The following DOCK5 variants were observed in gnomAD, a reference collection of about 807,000 sequenced individuals.
DOCK5 encodes the protein dedicator of cytokinesis 5, also known as dedicator of cytokinesis protein 5.
DOCK5 carries 142 observed loss-of-function variants against 251.8 expected under a neutral mutation model. That is an observed-to-expected ratio of 0.56 (90% CI 0.49 to 0.65). DOCK5 has a LOEUF of 0.65. DOCK5 is among the 30% of genes least tolerant of loss of function. The pLI is 0.00. For missense variants in DOCK5, 2,111 were observed against 2,312.3 expected, an observed-to-expected ratio of 0.91 and a Z score of 1.79; for synonymous variants, 842 against 835.5, an observed-to-expected ratio of 1.01 and a Z score of -0.13.
chr8:25,206,277 A>T (rs1196635254), intron 1 of DOCK5, among the ~76,000 whole-genome samples: 2 of 152,174 alleles, frequency 1.3e-5, no homozygotes, highest in Admixed American at 1.3e-4. Context: ...TTGTCAGATT[A>T]TGGGGAGACT....
chr8:25,371,291 C>A (rs1800868295), intron 34 of DOCK5, among the ~76,000 whole-genome samples: 1 of 152,030 alleles, frequency 6.6e-6, no homozygotes, highest in Non-Finnish European at 1.5e-5. Flanking sequence ...ACCTCGTGAT[C>A]CACCTGCCTC....
Position 25,410,098 on chromosome 8 carries a change from G to A in DOCK5, c.5405-1G>A. 6.2e-7 allele frequency: 1 copy of A among 1,612,074 alleles called. No homozygotes were observed. The highest frequency in any genetic ancestry group is 8.5e-7 in the Non-Finnish European group (1 of 1,179,026). On this transcript the variant is annotated splice_acceptor_variant, in intron 50 of 51. Coordinates refer to ENST00000276440, the MANE Select transcript of DOCK5 (RefSeq NM_024940.8). LOFTEE classifies it high-confidence loss of function. ...CCGCCTGCACTTTCTGTCATTTCTA[G>A]GCTCCCCATCGTTGCAGACAGATGG...
intron 28 of DOCK5, among the ~76,000 whole-genome samples, chr8:25,362,561 G>T (rs969347478): frequency 4.4e-4 from 65 of 149,050 alleles, no homozygotes; most frequent in African/African-American, 1.6e-3. Context: ...CTGCCTCCTG[G>T]GTTCAAGCGA....
At chr8:25,226,995 A>T (rs976152076) in intron 1 of DOCK5, among the ~76,000 whole-genome samples, 1 of 152,142 alleles carries the variant, frequency 6.6e-6, no homozygotes, top group Admixed American at 6.5e-5. Context: ...GTGTACCATG[A>T]TTTATTTCAC....
intron 11 of DOCK5, among the ~76,000 whole-genome samples, chr8:25,306,892 C>T (rs564916557): frequency 6.6e-6 from 1 of 152,030 alleles, no homozygotes; most frequent in Admixed American, 6.6e-5. Flanking sequence ...CTTACACAAA[C>T]CCGGAATATA....
chr8:25,336,285 T>C lies in DOCK5; in HGVS notation c.2239T>C (p.Ser747Pro), dbSNP rs74885248. The C allele has an allele frequency of 3.5e-4, 558 of 1,613,908 alleles. 1 individual carries two copies. The East Asian group carries it at 1.0e-2, about 29-fold the overall frequency. The change falls in exon 22 of 52, where the codon TCC becomes CCC. Residue 747 changes from serine to proline, a missense_variant. Around this residue, in one of 3 missense-constraint regions of DOCK5, gnomAD observed 1,717 missense variants for 1,892.4 expected, o/e 0.91. Transcript: ENST00000276440. ...LNFYVANADDSSKTELLFAAL... is the reference protein window; with the variant it reads ...LNFYVANADDPSKTELLFAAL... ...CTTCTATGTGGCTAATGCAGATGAC[T>C]CCAGCAAGACTGAACTGCTTTTTGC...
intron 5 of DOCK5, among the ~76,000 whole-genome samples, chr8:25,283,747 G>A (rs1375185310): frequency 6.6e-6 from 1 of 152,168 alleles, no homozygotes; most frequent in East Asian, 1.9e-4. Context: ...CAGCAGCCAA[G>A]CTAAATTTCT....
At chr8:25,348,115 C>T (rs1800402712) in intron 26 of DOCK5, among the ~76,000 whole-genome samples, 1 of 152,112 alleles carries the variant, frequency 6.6e-6, no homozygotes, top group Non-Finnish European at 1.5e-5. Flanking sequence ...GAAATATGTG[C>T]ACTAGTTCAA....
Position 25,292,023 on chromosome 8 carries a change from GAAC to G in DOCK5, c.327_329del (p.Asn109del), listed in dbSNP as rs1804504132. 1 of 1,581,546 alleles carries G rather than the reference GAAC, an allele frequency of 6.3e-7. No homozygotes were observed. Among genetic ancestry groups the G allele is most frequent in the South Asian group, 1.2e-5 (1 of 85,524 alleles). ...TTCTTCATCATATTTTCTCATCTTA[GAAC>G]AACAAGCTCACCCTCTTCCGCCAGC... On this transcript the variant is annotated inframe_deletion and splice_region_variant, in exon 6 of 52. Transcript: ENST00000276440.
chr8:25,358,841 G>A (rs1800624619), intron 27 of DOCK5, 122 bp from the exon 28 acceptor site: 2 of 794,988 alleles, frequency 2.5e-6, no homozygotes, highest in Non-Finnish European at 4.3e-6. Flanking sequence ...CGTGTTTCCA[G>A]TGTGGTGGGA....
chr8:25,273,716 C>T (rs1028275979), intron 3 of DOCK5, among the ~76,000 whole-genome samples: 2 of 152,212 alleles, frequency 1.3e-5, no homozygotes, highest in African/African-American at 2.4e-5. Flanking sequence ...TGATAGAATT[C>T]CATGGCCAAA....
chr8:25,337,494 T>C (rs1023317920), intron 22 of DOCK5, among the ~76,000 whole-genome samples: 2 of 151,562 alleles, frequency 1.3e-5, no homozygotes, highest in Non-Finnish European at 2.9e-5. Flanking sequence ...AAAAATCTTA[T>C]CAGGTATGAC....
At chr8:25,369,887 G>A (rs1186742035) in intron 34 of DOCK5, among the ~76,000 whole-genome samples, 1 of 152,184 alleles carries the variant, frequency 6.6e-6, no homozygotes, top group Non-Finnish European at 1.5e-5. Flanking sequence ...ATGGAGGCAA[G>A]GAGGAGGTGC....
chr8:25,215,825 T>G (rs1046000895), intron 1 of DOCK5, among the ~76,000 whole-genome samples: 13 of 151,992 alleles, frequency 8.6e-5, no homozygotes, highest in Non-Finnish European at 1.6e-4. Context: ...TTGATATTGC[T>G]TCCCCCAGTT....
intron 13 of DOCK5, 46 bp downstream of exon 13, chr8:25,310,578 G>T (rs562724331): frequency 6.5e-7 from 1 of 1,541,620 alleles, no homozygotes; most frequent in Non-Finnish European, 8.8e-7. Flanking sequence ...CCTGTTCAGC[G>T]ATTATTTCTT....
In DOCK5 at chr8:25,362,366, G is replaced by T. The variant is rs542018097; in HGVS notation, c.2950-681G>T. 2.6e-5 allele frequency among the ~76,000 whole-genome samples: 4 copies of T among 152,052 alleles called. No individual in the cohort carries two copies. In the East Asian group the frequency reaches 7.7e-4, roughly 29 times the overall value. On this transcript the variant is annotated intron_variant, in intron 28 of 51. Transcript: ENST00000276440. ...GGCAGCAGAGGAAGAAAGAGATAAG[G>T]GTTGCAAACTTGGGGTCCAAAGCTC...
intron 45 of DOCK5, among the ~76,000 whole-genome samples, chr8:25,399,405 A>G (rs748081257): frequency 3.3e-5 from 5 of 152,242 alleles, no homozygotes. Flanking sequence ...ATAGGGGACT[A>G]GTAAGAAAGT....
At chr8:25,372,456 A>C in intron 34 of DOCK5, 103 bp from the exon 35 acceptor site, 1 of 1,257,860 alleles carries the variant, frequency 8.0e-7, no homozygotes, top group South Asian at 1.8e-5. Context: ...CTGTGTCATC[A>C]AATCCTGCCC....
At chr8:25,273,075 G>A (rs1803954512) in intron 3 of DOCK5, among the ~76,000 whole-genome samples, 1 of 151,772 alleles carries the variant, frequency 6.6e-6, no homozygotes, top group Non-Finnish European at 1.5e-5. Flanking sequence ...CCGTGGCGCA[G>A]TGGCACAGTG....
Sources: gnomAD v4.1 joint callset for allele counts (sites outside exome capture counted in the v4.1 genomes callset) on GRCh38, gnomAD v4.1.1 for gene constraint, gnomAD v4.1.1 regional missense constraint, MANE v1.5 for transcripts, NCBI Gene and HGNC (gene_info 2026-07-23, HGNC 2026-07-21) for gene names.